The following DPH1 variants were observed in gnomAD, a reference collection of about 807,000 sequenced individuals.
DPH1 encodes 2-(3-amino-3-carboxypropyl)histidine synthase subunit 1.
DPH1 carries 59 observed loss-of-function variants against 55.3 expected under a neutral mutation model. That is an observed-to-expected ratio of 1.07 (90% CI 0.87 to 1.33). The LOEUF is 1.33. Ranked by LOEUF, DPH1 falls within the 40% of genes most tolerant of loss-of-function variation. DPH1 has a pLI of 0.00. For missense variants in DPH1, 628 were observed against 584.8 expected (o/e 1.07, Z -0.76); for synonymous variants, 238 against 235.5 (o/e 1.01, Z -0.10).
At chr17:2,038,440 GT>G in intron 6 of DPH1, among the ~76,000 whole-genome samples, 1 of 152,236 alleles carries the variant, frequency 6.6e-6, no homozygotes, top group South Asian at 2.1e-4. Flanking sequence ...TAGATCAGAG[GT>G]CCCCAACCCC....
chr17:2,042,045 A>G (rs773621026), intron 12 of DPH1, 170 bp downstream of exon 12: 6 of 1,522,160 alleles, frequency 3.9e-6, no homozygotes, highest in African/African-American at 2.8e-5. Context: ...CTTGCCGGGC[A>G]TAATGGCCGC....
In DPH1 at chr17:2,041,846, C is replaced by G; in HGVS notation, c.1306C>G (p.Leu436Val). Residue 436 changes from leucine to valine, a missense_variant, in exon 12 of 13, where the codon CTG becomes GTG. Physicochemically the swap from Leu to Val is conservative, Grantham distance 32 (BLOSUM62 1). Transcript: ENST00000263083. ...CTGCAGGGACGAGAAGGTGGCGCCG[C>G]TGGCTCCTTGACGCGCTCCCGGGCC... ...CSCRDEKVAPLAP is the reference protein window; with the variant it reads ...CSCRDEKVAPVAP 6.3e-7 allele frequency: 1 copy of G among 1,598,668 alleles called. No individual in the cohort carries two copies. Among genetic ancestry groups the G allele is most frequent in the Non-Finnish European group, 8.5e-7 (1 of 1,174,638 alleles).
At chr17:2,037,160 G>C in intron 6 of DPH1, 2 of 670,284 alleles carry the variant, frequency 3.0e-6, no homozygotes, top group South Asian at 5.4e-5. Flanking sequence ...TCATCCAGAA[G>C]GCTGTGCAGG....
At chr17:2,034,577 CT>C (rs1426179735) in intron 3 of DPH1, among the ~76,000 whole-genome samples, 2 of 88,818 alleles carry the variant, frequency 2.3e-5, no homozygotes, top group African/African-American at 9.3e-5. Context: ...CCTCCCTCCC[CT>C]GCTCCCCCAA....
At position 2,043,193 on chromosome 17, in the gene DPH1, C is replaced by T. The variant is rs2067578534; in HGVS notation, c.*607C>T. On this transcript the variant is annotated 3_prime_UTR_variant, in exon 13 of 13. Transcript: ENST00000263083. The stretch of plus-strand genomic sequence containing the variant: ...CCCTCCCAGGACCCTCCACTCACTG[C>T]TGTGAGTGCGCCTCACCAGAACCAG... The T allele has an allele frequency of 7.6e-6, 11 of 1,453,552 alleles. No homozygotes were observed. Among genetic ancestry groups the T allele is most frequent in the Non-Finnish European group, 1.0e-5 (11 of 1,073,864 alleles). The allele number at this position is 1,453,552 out of a possible 1,614,324, so 90.0% of individuals were successfully genotyped here.
rs773865777 is a variant in DPH1, at chr17:2,041,875, G to A, written c.*18G>A. On this transcript the variant is annotated splice_region_variant and 3_prime_UTR_variant, in exon 12 of 13. Coordinates refer to ENST00000263083, the MANE Select transcript of DPH1 (RefSeq NM_001383.6). The stretch of plus-strand genomic sequence containing the variant: ...CTCCTTGACGCGCTCCCGGGCCTCA[G>A]GTATCAGCCCCCGCTCTGGGTGCGC... 4.4e-6 allele frequency: 7 copies of A among 1,576,278 alleles called. No individual in the cohort carries two copies. Among genetic ancestry groups the A allele is most frequent in the South Asian group, 1.1e-5 (1 of 87,016 alleles).
intron 12 of DPH1, 47 bp from the exon 13 acceptor site, chr17:2,042,558 G>T: frequency 2.7e-6 from 4 of 1,474,406 alleles, no homozygotes; most frequent in East Asian, 2.4e-5. Context: ...TTCCTTCCTG[G>T]AGCCTCCCAT....
At position 2,043,049 on chromosome 17, in the gene DPH1, C is replaced by T. The variant is rs201370540; in HGVS notation, c.*463C>T. The T allele has an allele frequency of 3.7e-6, 6 of 1,614,034 alleles. No individual in the cohort carries two copies. In the Admixed American group the frequency reaches 5.0e-5, roughly 13 times the overall value. ...CACTCTGGTGGCCACTTCATTCCAG[C>T]AGCTGCACCCCAGCGTCAGGCCTAC... is the stretch of plus-strand genomic sequence containing the variant. On this transcript the variant is annotated 3_prime_UTR_variant, in exon 13 of 13. Transcript: ENST00000263083.
Position 2,031,899 on chromosome 17 carries a change from G to A in DPH1, c.62-1606G>A, listed in dbSNP as rs377314428. ...TGTATACCTGTCTTTTCCCCCACTA[G>A]ACTGCTGGTCTCTAAGGGACAAGGT... On this transcript the variant is annotated intron_variant, in intron 1 of 12. Transcript: ENST00000263083. 3.9e-5 allele frequency among the ~76,000 whole-genome samples: 6 copies of A among 152,110 alleles called. No homozygotes were observed. The East Asian group carries it at 1.2e-3, about 29-fold the overall frequency.
chr17:2,035,502 TGGGGGCCCTGCCTGTGGTGGGGAGGG>T (rs2067407554), intron 3 of DPH1, among the ~76,000 whole-genome samples: 3 of 54,294 alleles, frequency 5.5e-5, no homozygotes, highest in Non-Finnish European at 7.7e-5. Context: ...GGGGAGGGGG[TGGGGGCCCTGCCTGTGGTGGGGAGGG>T]AGTGGGGGTC....
At chr17:2,041,301 G>A (rs1295047932) in intron 10 of DPH1, 120 bp downstream of exon 10, 2 of 1,465,508 alleles carry the variant, frequency 1.4e-6, no homozygotes, top group African/African-American at 2.8e-5. Context: ...AGTCTGTCTC[G>A]ATTTCTCCAG....
Position 2,036,023 on chromosome 17 carries a change from G to A in DPH1, c.332G>A (p.Cys111Tyr). Reference protein sequence around the residue: ...VMGDVTYGACCVDDFTARALG... With the variant: ...VMGDVTYGACYVDDFTARALG... Reference sequence around the variant, plus strand: ...GGTGACGTGACCTACGGGGCTTGCTGTGTGGATGACTTCACAGCGAGGGCC... The same window carrying A: ...GGTGACGTGACCTACGGGGCTTGCTATGTGGATGACTTCACAGCGAGGGCC... Residue 111 changes from cysteine (C) to tyrosine (Y), a missense_variant, in exon 4 of 13, where the codon TGT becomes TAT. Cys to Tyr is a radical substitution (Grantham distance 194). Transcript: ENST00000263083. The surrounding 1 kb of genome is among the most constrained non-coding windows in gnomAD (Gnocchi z 4.8). The A allele has an allele frequency of 6.2e-7, 1 of 1,614,022 alleles. No homozygotes were observed. The highest frequency in any genetic ancestry group is 1.1e-5 in the South Asian group (1 of 91,086).
intron 6 of DPH1, chr17:2,039,079 T>TG (rs376259720): frequency 1.3e-5 from 2 of 148,920 alleles, no homozygotes; most frequent in Non-Finnish European, 1.5e-5. Context: ...TTTTTTTTTT[T>TG]GAGACAGAGT....
At chr17:2,031,455 G>A (rs1001880923) in intron 1 of DPH1, among the ~76,000 whole-genome samples, 7 of 151,350 alleles carry the variant, frequency 4.6e-5, no homozygotes, top group African/African-American at 1.7e-4. Flanking sequence ...CCAGCTACTC[G>A]GGAGGCTGAG....
At chr17:2,031,288 C>T (rs192302601) in intron 1 of DPH1, among the ~76,000 whole-genome samples, 7 of 152,150 alleles carry the variant, frequency 4.6e-5, no homozygotes, top group Admixed American at 1.3e-4. Flanking sequence ...TGGCCGGGCA[C>T]GGTGGCTTAC....
At chr17:2,041,459 G>GTCCC (rs1366169737) in intron 10 of DPH1, 22 bp from the exon 11 acceptor site, 1 of 1,585,912 alleles carries the variant, frequency 6.3e-7, no homozygotes, top group Non-Finnish European at 8.6e-7. Context: ...AGATGTTATT[G>GTCCC]TCCCTCCCTC....
At chr17:2,032,791 T>C (rs1383771536) in intron 1 of DPH1, among the ~76,000 whole-genome samples, 1 of 152,264 alleles carries the variant, frequency 6.6e-6, no homozygotes, top group Non-Finnish European at 1.5e-5. Context: ...TTGCCCAGGC[T>C]GGAGTGCAGC....
chr17:2,041,851 T>C lies in DPH1; in HGVS notation c.1311T>C (p.Ala437=), dbSNP rs1336031406. 2.5e-6 allele frequency: 4 copies of C among 1,595,610 alleles called. No individual in the cohort carries two copies. In the South Asian group the frequency reaches 3.4e-5, roughly 13 times the overall value. Residue 437 remains alanine (A), a synonymous_variant, in exon 12 of 13, where the codon GCT becomes GCC. Transcript: ENST00000263083. ...GGGACGAGAAGGTGGCGCCGCTGGC[T>C]CCTTGACGCGCTCCCGGGCCTCAGG... ...SCRDEKVAPL[A]P
intron 7 of DPH1, among the ~76,000 whole-genome samples, 178 bp from the exon 8 acceptor site, chr17:2,040,038 CTT>C (rs2067489510): frequency 6.6e-6 from 1 of 152,242 alleles, no homozygotes; most frequent in African/African-American, 2.4e-5. Flanking sequence ...GCCGCCCACT[CTT>C]GTCTGCTCCA....
Sources: gnomAD v4.1 joint callset for allele counts (sites outside exome capture counted in the v4.1 genomes callset) on GRCh38, gnomAD v4.1.1 for gene constraint, Gnocchi (gnomAD v3.1) non-coding constraint, MANE v1.5 for transcripts, NCBI Gene and HGNC (gene_info 2026-07-23, HGNC 2026-07-21) for gene names.